The following ADSL variants were observed in gnomAD, a reference collection of about 807,000 sequenced individuals.
The protein encoded by ADSL is adenylosuccinase.
A neutral mutation model predicts 62.1 loss-of-function variants in ADSL; 44 were observed. The ratio of observed to expected loss-of-function variants is 0.71; its 90% CI spans 0.56 to 0.91. The LOEUF is 0.91. Among genes scored for constraint, ADSL ranks in the 40% least tolerant of loss-of-function variants. ADSL has a pLI of 0.00. For synonymous variants in ADSL, 198 were observed against 220.5 expected (o/e 0.90, Z 0.90); for missense variants, 531 against 627.4 (o/e 0.85, Z 1.64).
In ADSL at chr22:40,346,642, C is replaced by A. The variant is rs1300622081; in HGVS notation, c.84C>A (p.Phe28Leu). 2.5e-6 allele frequency: 4 copies of A among 1,612,626 alleles called. No individual in the cohort carries two copies. Among genetic ancestry groups the A allele is most frequent in the Non-Finnish European group, 3.4e-6 (4 of 1,179,590 alleles). The change falls in exon 1 of 13, where the codon TTC becomes TTA. Residue 28 changes from phenylalanine (F) to leucine (L), a missense_variant. By Grantham distance (22) the Phe-to-Leu change is conservative. Transcript: ENST00000623063. ...ASRYASPEMCFVFSDRYKFRT... is the reference protein window; with the variant it reads ...ASRYASPEMCLVFSDRYKFRT... ...GCTATGCCAGCCCGGAGATGTGCTT[C>A]GTGTTTAGCGACAGGTATAAATTCC...
At chr22:40,379,096 C>T (rs2047127531) in intron 2 of ADSL, among the ~76,000 whole-genome samples, 1 of 152,224 alleles carries the variant, frequency 6.6e-6, no homozygotes, top group South Asian at 2.1e-4. Context: ...TAGCACTATT[C>T]ATCTGACATA....
chr22:40,365,193 G>A, intron 12 of ADSL, 137 bp downstream of exon 12: 4 of 962,032 alleles, frequency 4.2e-6, no homozygotes, highest in Non-Finnish European at 6.4e-6. Flanking sequence ...CTAAAACTTA[G>A]ATATTTCGGT....
At chr22:40,362,951 A>G (rs767565119) in intron 9 of ADSL, 30 bp from the exon 10 acceptor site, 2 of 1,580,894 alleles carry the variant, frequency 1.3e-6, no homozygotes, top group Non-Finnish European at 1.7e-6. Flanking sequence ...ATTTGTTTAA[A>G]GACATACTGA....
At chr22:40,370,436 G>GT (rs1006959512), downstream of ADSL, among the ~76,000 whole-genome samples, 2 of 152,056 alleles carry the variant, frequency 1.3e-5, no homozygotes, top group Non-Finnish European at 2.9e-5. Context: ...ACACCATACT[G>GT]TCCCAAGCTT....
At chr22:40,359,222 A>G (rs1158115340) in intron 5 of ADSL, 38 bp from the exon 6 acceptor site, 1 of 1,612,444 alleles carries the variant, frequency 6.2e-7, no homozygotes, top group East Asian at 2.2e-5. Flanking sequence ...CACACTGGAC[A>G]CATGGATTAT....
At chr22:40,362,272 TGAGTG>T (rs1348788191) in intron 9 of ADSL, among the ~76,000 whole-genome samples, 9 of 152,350 alleles carry the variant, frequency 5.9e-5, no homozygotes, top group African/African-American at 1.9e-4. Context: ...TGGAATTTCT[TGAGTG>T]GATACGGATG....
chr22:40,376,178 C>CTTTTTTTTTTTT (rs10616868), intron 2 of ADSL: 5 of 86,844 alleles, frequency 5.8e-5, no homozygotes, highest in African/African-American at 8.2e-5. Context: ...CAAATTACCA[C>CTTTTTTTTTTTT]TTTTTTTTTT....
intron 1 of ADSL, 76 bp downstream of exon 1, chr22:40,346,787 C>A: frequency 6.8e-7 from 1 of 1,466,824 alleles, no homozygotes; most frequent in Non-Finnish European, 9.2e-7. Context: ...CTGTTCCGGG[C>A]TGGGCTTAGC....
chr22:40,352,070 C>G (rs1204942383), intron 2 of ADSL: 1 of 152,206 alleles, frequency 6.6e-6, no homozygotes, highest in African/African-American at 2.4e-5. Flanking sequence ...TAAAAAAGTA[C>G]CCAGTTGTGT....
chr22:40,382,954 A>T (rs1427742335), intron 2 of ADSL, among the ~76,000 whole-genome samples: 1 of 152,250 alleles, frequency 6.6e-6, no homozygotes, highest in Admixed American at 6.5e-5. Flanking sequence ...AACACTGTAT[A>T]AAGGTGAAGG....
intron 2 of ADSL, among the ~76,000 whole-genome samples, chr22:40,381,958 T>G (rs2047647219): frequency 6.6e-6 from 1 of 152,188 alleles, no homozygotes; most frequent in Non-Finnish European, 1.5e-5. Flanking sequence ...AGACGCTGTC[T>G]CAAATAATAA....
chr22:40,356,489 C>T (rs572671448), intron 4 of ADSL, among the ~76,000 whole-genome samples: 5 of 147,088 alleles, frequency 3.4e-5, no homozygotes, highest in African/African-American at 7.6e-5. Flanking sequence ...GAGCCAAGAT[C>T]GCGCCGCTGC....
intron 2 of ADSL, among the ~76,000 whole-genome samples, chr22:40,384,177 A>G (rs2048048533): frequency 1.3e-5 from 2 of 151,940 alleles, no homozygotes; most frequent in African/African-American, 4.8e-5. Flanking sequence ...CTGGGAAGTC[A>G]AGGCTGCAGT....
chr22:40,382,146 T>G (rs1601791386), intron 2 of ADSL, among the ~76,000 whole-genome samples: 1 of 152,188 alleles, frequency 6.6e-6, no homozygotes, highest in East Asian at 1.9e-4. Context: ...GAGGTCAGGA[T>G]AAGTTTAGGA....
chr22:40,359,111 T>C, intron 5 of ADSL, 76 bp downstream of exon 5: 1 of 1,599,630 alleles, frequency 6.3e-7, no homozygotes, highest in Non-Finnish European at 8.6e-7. Flanking sequence ...TTGAGGATGA[T>C]AGGAGAGATT....
chr22:40,360,726 C>T (rs1029665502), intron 7 of ADSL, among the ~76,000 whole-genome samples: 10 of 147,586 alleles, frequency 6.8e-5, no homozygotes, highest in Non-Finnish European at 1.2e-4. Flanking sequence ...TTAAATTAAT[C>T]TTTTTTTTTT....
At chr22:40,378,284 T>C (rs2046987106) in intron 2 of ADSL, 1 of 151,796 alleles carries the variant, frequency 6.6e-6, no homozygotes, top group African/African-American at 2.4e-5. Flanking sequence ...ATAAGAAAAA[T>C]TAGCCAGGCA....
At chr22:40,355,079 A>G (rs1182311580) in intron 4 of ADSL, among the ~76,000 whole-genome samples, 2 of 152,158 alleles carry the variant, frequency 1.3e-5, no homozygotes. Flanking sequence ...CATGATGTAA[A>G]TGTTGATTAC....
downstream of ADSL, among the ~76,000 whole-genome samples, chr22:40,370,022 T>A (rs897167297): frequency 6.6e-6 from 1 of 152,054 alleles, no homozygotes; most frequent in Non-Finnish European, 1.5e-5. Context: ...CAGCATAGAA[T>A]CTGACACAGA....
Sources: gnomAD v4.1 joint callset for allele counts (sites outside exome capture counted in the v4.1 genomes callset) on GRCh38, gnomAD v4.1.1 for gene constraint, MANE v1.5 for transcripts, NCBI Gene and HGNC (gene_info 2026-07-23, HGNC 2026-07-21) for gene names.